ZMIZ2: variants seen among roughly 807,000 people sequenced by gnomAD.
ZMIZ2 encodes zinc finger MIZ domain-containing protein 2.
Under a neutral mutation model 93.9 loss-of-function variants are expected in ZMIZ2, and 26 were observed. That is an observed-to-expected ratio of 0.28 (90% CI 0.20 to 0.38). The LOEUF (loss-of-function observed/expected upper bound fraction) is 0.38, where lower values mean the gene tolerates loss of function less well. Among genes scored for constraint, ZMIZ2 ranks in the 10% least tolerant of loss-of-function variants. The probability of loss-of-function intolerance (pLI) is 1.00; values close to 1 mark genes in which losing one functional copy is unlikely to be tolerated. For missense variants in ZMIZ2, 1,023 were observed against 1,235.0 expected, an observed-to-expected ratio of 0.83 and a Z score of 2.57; for synonymous variants, 485 against 516.4, an observed-to-expected ratio of 0.94 and a Z score of 0.82.
rs1790363493 is a variant in ZMIZ2 at position 44,753,849 on chromosome 7, G to A, written c.-62-2339G>A. Among the ~76,000 whole-genome samples, 3 of 152,266 alleles carry A rather than the reference G, an allele frequency of 2.0e-5. No homozygotes were observed. In the South Asian group the frequency reaches 6.2e-4, roughly 32 times the overall value. ...CCATTTTGAGTTACTTTCTGTATAA[G>A]GTGTGAAGTTTAGGTGTTTTTTGTT... On this transcript the variant is annotated intron_variant, in intron 1 of 18. Transcript: ENST00000309315.
intron 1 of ZMIZ2, among the ~76,000 whole-genome samples, chr7:44,752,453 T>C (rs1174683765): frequency 1.3e-5 from 2 of 152,148 alleles, no homozygotes; most frequent in Non-Finnish European, 2.9e-5. Flanking sequence ...TGTTGCCTTC[T>C]TATATTCACG....
chr7:44,759,853 C>T, intron 7 of ZMIZ2: 4 of 503,302 alleles, frequency 7.9e-6, no homozygotes, highest in Non-Finnish European at 1.1e-5. Context: ...GGCCATGTAC[C>T]CTTTCTGGGT....
chr7:44,762,362 C>T (rs950539918), intron 11 of ZMIZ2, among the ~76,000 whole-genome samples: 2 of 152,178 alleles, frequency 1.3e-5, no homozygotes, highest in Non-Finnish European at 2.9e-5. Context: ...TCGGAGTCCC[C>T]GGCTGATCAA....
chr7:44,765,880 G>A lies in ZMIZ2; in HGVS notation c.2243-284G>A. On this transcript the variant is annotated intron_variant, in intron 16 of 18. Transcript: ENST00000309315. This position sits in a 1 kb window ranked among gnomAD's most constrained non-coding sequence, Gnocchi z 4.1. ...CCTCACAGGACTGGCCCCATCTGGG[G>A]CCCCCCTCTGGGACCCACCTCACAC... 3 of 1,347,754 alleles carry A rather than the reference G, an allele frequency of 2.2e-6. No individual in the cohort carries two copies. The highest frequency in any genetic ancestry group is 2.9e-6 in the Non-Finnish European group (3 of 1,036,472). 83.5% of individuals were successfully genotyped at this position (1,347,754 alleles called of 1,614,324 possible).
rs1472473557 is a variant in ZMIZ2, at chr7:44,757,943, A to G, written c.648A>G (p.Gly216=). 6.2e-7 allele frequency: 1 copy of G among 1,611,958 alleles called. No individual in the cohort carries two copies. The highest frequency in any genetic ancestry group is 8.5e-7 in the Non-Finnish European group (1 of 1,179,040). Residue 216 remains glycine, a synonymous_variant, in exon 6 of 19, where the codon GGA becomes GGG. Coordinates refer to ENST00000309315, the MANE Select transcript of ZMIZ2 (RefSeq NM_031449.4). The part of the protein sequence containing the change: ...VPAGMNPTGI[G]GVMGPSGLSP... ...CTGGCATGAACCCTACTGGCATAGG[A>G]GGGGTAATGGGCCCCTCTGGCCTCT...
chr7:44,762,002 G>A, intron 11 of ZMIZ2, 97 bp downstream of exon 11: 1 of 1,305,788 alleles, frequency 7.7e-7, no homozygotes, highest in South Asian at 1.6e-5. Context: ...GGGTGTGGGC[G>A]GGGCCTGGCC....
chr7:44,757,737 G>A (rs1432898248), intron 5 of ZMIZ2, 111 bp from the exon 6 acceptor site: 8 of 1,414,536 alleles, frequency 5.7e-6, no homozygotes, highest in East Asian at 5.0e-5. Flanking sequence ...TTTCTGGGGT[G>A]TCCTGTGAAA....
At position 44,757,992 on chromosome 7, in the gene ZMIZ2, C is replaced by T. The variant is rs1790765270; in HGVS notation, c.697C>T (p.Arg233Trp). Residue 233 changes from arginine (R) to tryptophan (W), a missense_variant, in exon 6 of 19, where the codon CGG becomes TGG. By Grantham distance (101) the Arg-to-Trp change is moderately radical (BLOSUM62 -3). Transcript: ENST00000309315. ...CTCCCCCTTGGCTATGAACCCCACC[C>T]GGGCAGCAGGAATGACACCCTTGTA... Reference protein sequence around the residue: ...GLSPLAMNPTRAAGMTPLYAG... With the variant: ...GLSPLAMNPTWAAGMTPLYAG... 16 of 1,612,630 alleles carry T rather than the reference C, an allele frequency of 9.9e-6. No individual in the cohort carries two copies. Among genetic ancestry groups the T allele is most frequent in the South Asian group, 3.3e-5 (3 of 90,560 alleles).
In ZMIZ2 at chr7:44,763,427, G is replaced by T; in HGVS notation, c.1860+14G>T. On this transcript the variant is annotated intron_variant, in intron 13 of 18. Transcript: ENST00000309315. This position sits in a 1 kb window ranked among gnomAD's most constrained non-coding sequence, Gnocchi z 5.6. ...CGCCACATACAGGTAGGTGGTTACT[G>T]CAGAGTCTTGCCGGAATTTGCTGCT... is the stretch of plus-strand genomic sequence containing the variant. 6.2e-7 allele frequency: 1 copy of T among 1,613,094 alleles called. No individual in the cohort carries two copies. Among genetic ancestry groups the T allele is most frequent in the Middle Eastern group, 1.7e-4 (1 of 6,058 alleles).
chr7:44,757,516 T>A lies in ZMIZ2; in HGVS notation c.507T>A (p.Ala169=). The A allele has an allele frequency of 1.2e-6, 2 of 1,609,908 alleles. No homozygotes were observed. Among genetic ancestry groups the A allele is most frequent in the Non-Finnish European group, 1.7e-6 (2 of 1,179,414 alleles). The change falls in exon 5 of 19, where the codon GCT becomes GCA. Residue 169 remains alanine, a synonymous_variant. Transcript: ENST00000309315. The part of the protein sequence containing the change: ...TATATATATV[A]ALQEKQSQEL... ...CCGCCACAGCCACAGCCACCGTGGCTGCTCTCCAGGAGAAGCAGAGCCAGG... is the reference window on the plus strand; with the variant it reads ...CCGCCACAGCCACAGCCACCGTGGCAGCTCTCCAGGAGAAGCAGAGCCAGG...
chr7:44,759,349 C>T lies in ZMIZ2; in HGVS notation c.882C>T (p.Ser294=). 1 of 1,604,948 alleles carries T rather than the reference C, an allele frequency of 6.2e-7. No homozygotes were observed. ...CCAGCACCGCCCAGTTTGCGCCCAG[C>T]CCTGGGCAGCCCCCTGCCCCCTCCC... is the stretch of plus-strand genomic sequence containing the variant. The part of the protein sequence containing the change: ...YAPSTAQFAP[S]PGQPPAPSPS... Residue 294 remains serine (S), a synonymous_variant, in exon 7 of 19, where the codon AGC becomes AGT. Coordinates refer to ENST00000309315, the MANE Select transcript of ZMIZ2 (RefSeq NM_031449.4).
At position 44,765,084 on chromosome 7, in the gene ZMIZ2, C is replaced by T. The variant is rs532549534; in HGVS notation, c.1997+75C>T. 3 of 1,583,844 alleles carry T rather than the reference C, an allele frequency of 1.9e-6. No homozygotes were observed. Among genetic ancestry groups the T allele is most frequent in the South Asian group, 1.1e-5 (1 of 89,824 alleles). On this transcript the variant is annotated intron_variant, in intron 15 of 18. Transcript: ENST00000309315. The surrounding 1 kb of genome is among the most constrained non-coding windows in gnomAD (Gnocchi z 4.1). ...GCCCCAGGACATGTCGGGGGATGTC[C>T]CTTGCCAAGTGCAGCCTTCCAGCCT...
At position 44,769,770 on chromosome 7, in the gene ZMIZ2, T is replaced by C. The variant is rs1792016130; in HGVS notation, c.*2147T>C. The C allele has an allele frequency of 6.6e-6, 1 of 152,322 alleles. No homozygotes were observed. The highest frequency in any genetic ancestry group is 2.1e-4 in the South Asian group (1 of 4,838). The allele number at this position is 152,322 out of a possible 1,614,324, so 9.4% of individuals were successfully genotyped here. On this transcript the variant is annotated 3_prime_UTR_variant, in exon 19 of 19. Coordinates refer to ENST00000309315, the MANE Select transcript of ZMIZ2 (RefSeq NM_031449.4). ...ACTGGAGAAATGATTGAGGAATGCA[T>C]GGGCACCGTGGCCCTGTGCTCCATC...
At chr7:44,754,370 A>G (rs926067345) in intron 1 of ZMIZ2, among the ~76,000 whole-genome samples, 1 of 152,144 alleles carries the variant, frequency 6.6e-6, no homozygotes, top group Admixed American at 6.5e-5. Context: ...GGAGGAGCCT[A>G]TGGGCTGGGA....
At position 44,769,131 on chromosome 7, in the gene ZMIZ2, A is replaced by G. The variant is rs1220501212; in HGVS notation, c.*1508A>G. Reference sequence around the variant, plus strand: ...ATTGCAGAGGTGTGTCCTGCCTACCATCTGCCTGTCCAGCTTGGTGGGGGT... The same window carrying G: ...ATTGCAGAGGTGTGTCCTGCCTACCGTCTGCCTGTCCAGCTTGGTGGGGGT... On this transcript the variant is annotated 3_prime_UTR_variant, in exon 19 of 19. Coordinates refer to ENST00000309315, the MANE Select transcript of ZMIZ2 (RefSeq NM_031449.4). 1.3e-5 allele frequency: 2 copies of G among 152,764 alleles called. No individual in the cohort carries two copies. Among genetic ancestry groups the G allele is most frequent in the East Asian group, 1.9e-4 (1 of 5,152 alleles). 9.5% of individuals were successfully genotyped at this position (152,764 alleles called of 1,614,324 possible). A position where few individuals can be genotyped will look rare whatever the true frequency, so the allele number is the denominator to read the frequency against.
In ZMIZ2 at chr7:44,761,486, T is replaced by G; in HGVS notation, c.1278T>G (p.Pro426=). 1 of 1,613,968 alleles carries G rather than the reference T, an allele frequency of 6.2e-7. No homozygotes were observed. The highest frequency in any genetic ancestry group is 8.5e-7 in the Non-Finnish European group (1 of 1,180,024). Reference sequence around the variant, plus strand: ...GTGACGAGTTGCGGCTGACCTTCCCTGTGCGCGATGGGGTGGTCCTGGAGC... The same window carrying G: ...GTGACGAGTTGCGGCTGACCTTCCCGGTGCGCGATGGGGTGGTCCTGGAGC... ...GPCDELRLTF[P]VRDGVVLEPF... The change falls in exon 10 of 19, where the codon CCT becomes CCG. Residue 426 remains proline (P), a synonymous_variant. Coordinates refer to ENST00000309315, the MANE Select transcript of ZMIZ2 (RefSeq NM_031449.4). The surrounding 1 kb of genome is among the most constrained non-coding windows in gnomAD (Gnocchi z 5.8).
chr7:44,758,609 C>T (rs1335830608), intron 6 of ZMIZ2, among the ~76,000 whole-genome samples: 1 of 151,802 alleles, frequency 6.6e-6, no homozygotes, highest in East Asian at 1.9e-4. Flanking sequence ...AACCGCATGT[C>T]TACTAATAAT....
chr7:44,756,098 TG>T, intron 1 of ZMIZ2, 89 bp from the exon 2 acceptor site: 1 of 997,810 alleles, frequency 1.0e-6, no homozygotes, highest in Non-Finnish European at 1.5e-6. Flanking sequence ...GAGAAAGAGG[TG>T]GGGCCTGCTG....
intron 1 of ZMIZ2, among the ~76,000 whole-genome samples, chr7:44,753,926 G>C (rs1250554718): frequency 6.6e-6 from 1 of 152,218 alleles, no homozygotes; most frequent in African/African-American, 2.4e-5. Flanking sequence ...TGGTTGGAAA[G>C]GCTGTCCTTC....
Sources: gnomAD v4.1 joint callset for allele counts (sites outside exome capture counted in the v4.1 genomes callset) on GRCh38, gnomAD v4.1.1 for gene constraint, Gnocchi (gnomAD v3.1) non-coding constraint, MANE v1.5 for transcripts, NCBI Gene and HGNC (gene_info 2026-07-23, HGNC 2026-07-21) for gene names.